The following ANKRD30BL variants were observed in gnomAD, a reference collection of about 807,000 sequenced individuals.
ANKRD30BL encodes the protein putative ankyrin repeat domain-containing protein 30B-like.
Under a neutral mutation model 18.4 loss-of-function variants are expected in ANKRD30BL, and 20 were observed. The observed-to-expected ratio is 1.09, with a 90% CI of 0.77 to 1.58. ANKRD30BL has a LOEUF of 1.58. Among genes scored for constraint, ANKRD30BL ranks in the 40% most tolerant of loss-of-function variants. The probability of loss-of-function intolerance (pLI) is 0.00; values close to 1 mark genes in which losing one functional copy is unlikely to be tolerated. For missense variants in ANKRD30BL, 224 were observed against 268.6 expected (o/e 0.83, Z 1.16); for synonymous variants, 72 against 100.9 (o/e 0.71, Z 1.72).
At chr2:132,238,367 T>C (rs1392568091) in intron 1 of ANKRD30BL, among the ~76,000 whole-genome samples, 1 of 151,406 alleles carries the variant, frequency 6.6e-6, no homozygotes, top group Non-Finnish European at 1.5e-5. Flanking sequence ...ACTCACAGAG[T>C]TGAAATTTTC....
In ANKRD30BL at chr2:132,161,520, TGTC is replaced by T. The variant is rs1227017644; in HGVS notation, c.183_185del (p.Thr62del). 2.1e-6 allele frequency: 3 copies of T among 1,456,758 alleles called. No individual in the cohort carries two copies. The highest frequency in any genetic ancestry group is 2.4e-4 in the Middle Eastern group (1 of 4,210). The allele number at this position is 1,456,758 out of a possible 1,614,324, so 90.2% of individuals were successfully genotyped here. A position where few individuals can be genotyped will look rare whatever the true frequency, so the allele number is the denominator to read the frequency against. ...TCGCATCTCTTATGTTCAGGTCCAT[TGTC>T]GTCTTCTTCATCATCCTCTCCAGCT... On this transcript the variant is annotated inframe_deletion, in exon 1 of 6. Coordinates refer to ENST00000409867, the MANE Select transcript of ANKRD30BL (RefSeq NM_001358416.1).
chr2:132,185,917 G>C (rs139548642), intron 1 of ANKRD30BL, among the ~76,000 whole-genome samples: 1,702 of 152,238 alleles, frequency 0.011, 35 homozygotes, highest in African/African-American at 0.038. Context: ...GAGGAGGACG[G>C]ATCACTTGAG....
chr2:132,189,896 A>T (rs997882294), intron 1 of ANKRD30BL, among the ~76,000 whole-genome samples: 10 of 145,406 alleles, frequency 6.9e-5, no homozygotes, highest in Non-Finnish European at 1.2e-4. Flanking sequence ...AAAAAAAAAT[A>T]AATTAATTGT....
chr2:132,176,953 T>G (rs1287703796), intron 1 of ANKRD30BL, among the ~76,000 whole-genome samples: 1 of 152,178 alleles, frequency 6.6e-6, no homozygotes, highest in Non-Finnish European at 1.5e-5. Flanking sequence ...GTCTTTAAAA[T>G]TTTAAATAGA....
intron 1 of ANKRD30BL, among the ~76,000 whole-genome samples, chr2:132,227,035 C>A (rs1679867568): frequency 6.6e-6 from 1 of 151,946 alleles, no homozygotes; most frequent in South Asian, 2.1e-4. Flanking sequence ...AAGGAAATAT[C>A]TTCATATAAA....
chr2:132,195,904 G>A (rs1678957708), intron 1 of ANKRD30BL, among the ~76,000 whole-genome samples: 1 of 151,622 alleles, frequency 6.6e-6, no homozygotes, highest in South Asian at 2.1e-4. Flanking sequence ...CACTTTGGGA[G>A]GACCAGTTGG....
Position 132,147,987 on chromosome 2 carries a change from G to A in ANKRD30BL, c.*144C>T. The A allele has an allele frequency of 4.5e-6, 3 of 659,650 alleles. No individual in the cohort carries two copies. Among genetic ancestry groups the A allele is most frequent in the East Asian group, 2.8e-5 (1 of 35,550 alleles). The allele number at this position is 659,650 out of a possible 1,614,324, so 40.9% of individuals were successfully genotyped here. ...AACGAGGAAGTTAAACTTTAAAACGGAGAACAAAGAACAGAGAAGCTGAAC... is the reference window on the plus strand; with the variant it reads ...AACGAGGAAGTTAAACTTTAAAACGAAGAACAAAGAACAGAGAAGCTGAAC... On this transcript the variant is annotated 3_prime_UTR_variant, in exon 6 of 6. Coordinates refer to ENST00000409867, the MANE Select transcript of ANKRD30BL (RefSeq NM_001358416.1).
At chr2:132,188,693 G>C (rs1246842659) in intron 1 of ANKRD30BL, among the ~76,000 whole-genome samples, 1 of 151,630 alleles carries the variant, frequency 6.6e-6, no homozygotes, top group Non-Finnish European at 1.5e-5. Flanking sequence ...CTGGGTGATA[G>C]AGCGAGCCTC....
intron 1 of ANKRD30BL, among the ~76,000 whole-genome samples, chr2:132,224,056 G>C (rs1266179663): frequency 2.0e-5 from 3 of 151,998 alleles, no homozygotes; most frequent in Middle Eastern, 3.4e-3. Flanking sequence ...GATAGGGCAG[G>C]GTTGAAACTC....
chr2:132,161,441 C>T (rs1195233444), intron 1 of ANKRD30BL, 47 bp downstream of exon 1: 5 of 1,414,336 alleles, frequency 3.5e-6, no homozygotes, highest in East Asian at 2.5e-5. Context: ...GATCCTCCCA[C>T]AGCCTCCTCC....
intron 4 of ANKRD30BL, among the ~76,000 whole-genome samples, chr2:132,151,792 C>T (rs1274288866): frequency 2.0e-5 from 3 of 151,856 alleles, no homozygotes; most frequent in African/African-American, 7.3e-5. Context: ...TATATTAAAT[C>T]ATTAAATCAG....
rs1220009239 is a variant in ANKRD30BL, at chr2:132,178,984, G to T, written n.442-21838C>A. The stretch of plus-strand genomic sequence containing the variant: ...GGTAGGAAATGTTGAAGATACAACT[G>T]ATTTTTGAAGACTAGTAATTTTACA... On this transcript the variant is annotated intron_variant and non_coding_transcript_variant, in intron 1 of 4. Transcript: ENST00000470729. 4.6e-4 allele frequency among the ~76,000 whole-genome samples: 69 copies of T among 151,616 alleles called. 3 individuals carry two copies. The highest frequency in any genetic ancestry group is 1.6e-4 in the Non-Finnish European group (11 of 67,956).
chr2:132,192,641 G>T (rs987682408), intron 1 of ANKRD30BL, among the ~76,000 whole-genome samples: 1 of 152,352 alleles, frequency 6.6e-6, no homozygotes, highest in Admixed American at 6.5e-5. Flanking sequence ...AAGTTGAATA[G>T]CAGGTAACCC....
intron 1 of ANKRD30BL, among the ~76,000 whole-genome samples, chr2:132,208,389 C>T (rs1261065043): frequency 6.6e-6 from 1 of 151,980 alleles, no homozygotes; most frequent in Non-Finnish European, 1.5e-5. Context: ...TTAGGAAACC[C>T]ACATTTTTGT....
chr2:132,199,839 T>C (rs549211945), intron 1 of ANKRD30BL, among the ~76,000 whole-genome samples: 11 of 152,110 alleles, frequency 7.2e-5, no homozygotes, highest in Non-Finnish European at 1.3e-4. Flanking sequence ...GAGGGCAATA[T>C]ACGGGTAGAG....
intron 1 of ANKRD30BL, among the ~76,000 whole-genome samples, chr2:132,246,062 CTT>C (rs1680490741): frequency 6.6e-6 from 1 of 151,420 alleles, no homozygotes; most frequent in Non-Finnish European, 1.5e-5. Context: ...TTGAAACACT[CTT>C]TTTATAGAAT....
chr2:132,248,472 G>A (rs201041005), intron 1 of ANKRD30BL, among the ~76,000 whole-genome samples: 15 of 151,354 alleles, frequency 9.9e-5, no homozygotes, highest in Non-Finnish European at 1.8e-4. Context: ...CTATCAAAGC[G>A]CTCAAAATAT....
chr2:132,220,520 C>T lies in ANKRD30BL; in HGVS notation n.441+37009G>A, dbSNP rs573810215. 2.4e-3 allele frequency among the ~76,000 whole-genome samples: 359 copies of T among 152,198 alleles called. 1 individual carries two copies. The highest frequency in any genetic ancestry group is 7.7e-3 in the African/African-American group (319 of 41,532). On this transcript the variant is annotated intron_variant and non_coding_transcript_variant, in intron 1 of 4. Coordinates refer to the ANKRD30BL transcript ENST00000470729. ...CTGTGATTGCAGGCGCGCGTCGCCA[C>T]GCCTGACTGGTTTTCGTTTTTTTTT...
chr2:132,214,484 T>A (rs185378996), intron 1 of ANKRD30BL, among the ~76,000 whole-genome samples: 17,641 of 151,480 alleles, frequency 0.12, 1,184 homozygotes, highest in Non-Finnish European at 0.17. Context: ...AGGTCTATGG[T>A]CAAAAAGGAA....
Sources: allele counts gnomAD v4.1 joint callset (sites outside exome capture counted in the v4.1 genomes callset), GRCh38; gene constraint gnomAD v4.1.1; transcripts MANE v1.5; gene names NCBI Gene and HGNC (gene_info 2026-07-23, HGNC 2026-07-21).